The following NAP1L4 variants were observed in gnomAD, a reference collection of about 807,000 sequenced individuals.
NAP1L4 encodes nucleosome assembly protein 1 like 4, also known as nucleosome assembly protein 1-like 4.
In NAP1L4, 15 loss-of-function variants were observed where a neutral mutation model predicts 58.2. The observed-to-expected ratio is 0.26, with a 90% CI of 0.17 to 0.40. The LOEUF (loss-of-function observed/expected upper bound fraction) is 0.40. NAP1L4 is among the 10% of genes least tolerant of loss of function. NAP1L4 has a pLI of 1.00. For synonymous variants in NAP1L4, 171 were observed against 155.6 expected, an observed-to-expected ratio of 1.10 and a Z score of -0.74; for missense variants, 384 against 451.1, an observed-to-expected ratio of 0.85 and a Z score of 1.35.
At position 2,965,865 on chromosome 11, in the gene NAP1L4, G is replaced by T. The variant is rs556625061; in HGVS notation, c.535-1114C>A. Among the ~76,000 whole-genome samples, 4 of 152,338 alleles carry T rather than the reference G, an allele frequency of 2.6e-5. No individual in the cohort carries two copies. The East Asian group carries it at 7.7e-4, about 29-fold the overall frequency. Reference sequence around the variant, plus strand: ...ACTTCTTTAAGAACACTTACACAGAGCGTGTCTGAGATCCAACTTGCGGGC... The same window carrying T: ...ACTTCTTTAAGAACACTTACACAGATCGTGTCTGAGATCCAACTTGCGGGC... On this transcript the variant is annotated intron_variant, in intron 7 of 15. Transcript: ENST00000380542.
intron 15 of NAP1L4, among the ~76,000 whole-genome samples, chr11:2,945,905 T>C (rs1845916062): frequency 1.3e-5 from 2 of 152,302 alleles, no homozygotes; most frequent in African/African-American, 4.8e-5. Flanking sequence ...AGGAGGGTTT[T>C]GGGGCTCCTT....
chr11:2,971,595 T>C lies in NAP1L4; in HGVS notation c.316-61A>G. The C allele has an allele frequency of 1.6e-6, 2 of 1,285,154 alleles. No homozygotes were observed. The highest frequency in any genetic ancestry group is 3.9e-5 in the Admixed American group (2 of 51,774). The allele number at this position is 1,285,154 out of a possible 1,614,324, so 79.6% of individuals were successfully genotyped here. On this transcript the variant is annotated intron_variant, in intron 5 of 15. Coordinates refer to ENST00000380542, the MANE Select transcript of NAP1L4 (RefSeq NM_005969.4). This position sits in a 1 kb window ranked among gnomAD's most constrained non-coding sequence, Gnocchi z 4.2. ...TTAGCTTACTTAGGAACTCAAGAGTTAAATTTATAAATAATGTCTACTAAA... is the reference window on the plus strand; with the variant it reads ...TTAGCTTACTTAGGAACTCAAGAGTCAAATTTATAAATAATGTCTACTAAA...
intron 7 of NAP1L4, among the ~76,000 whole-genome samples, chr11:2,966,147 G>A (rs1202579858): frequency 3.9e-5 from 6 of 152,136 alleles, no homozygotes; most frequent in Non-Finnish European, 8.8e-5. Flanking sequence ...TCTTGAAGTT[G>A]CATTAAGTTT....
At chr11:2,977,236 C>T (rs993765426) in intron 3 of NAP1L4, among the ~76,000 whole-genome samples, 7 of 152,338 alleles carry the variant, frequency 4.6e-5, no homozygotes, top group Admixed American at 2.6e-4. Flanking sequence ...GATATCTACA[C>T]GTGCCTGACA....
At chr11:2,970,033 A>C in intron 6 of NAP1L4, 99 bp from the exon 7 acceptor site, 1 of 1,252,622 alleles carries the variant, frequency 8.0e-7, no homozygotes, top group Non-Finnish European at 1.1e-6. Context: ...ACTATCTCCC[A>C]TCAAACACCT....
intron 1 of NAP1L4, among the ~76,000 whole-genome samples, chr11:2,980,928 CA>C (rs1564989762): frequency 8.0e-6 from 1 of 124,296 alleles, no homozygotes; most frequent in East Asian, 2.0e-4. Context: ...AGATGAAAAC[CA>C]AAAAGAAAAA....
chr11:2,966,972 C>T (rs1025634286), intron 7 of NAP1L4, among the ~76,000 whole-genome samples: 9 of 152,228 alleles, frequency 5.9e-5, no homozygotes, highest in Admixed American at 5.9e-4. Flanking sequence ...GAAGCAAAGG[C>T]ACAACACTGG....
chr11:2,981,386 C>T (rs1274290976), intron 1 of NAP1L4, among the ~76,000 whole-genome samples: 4 of 132,786 alleles, frequency 3.0e-5, no homozygotes, highest in Non-Finnish European at 6.2e-5. Context: ...CCACTGAACT[C>T]CAGCCTGGAC....
Position 2,948,989 on chromosome 11 carries a change from C to T in NAP1L4, c.*32+238G>A, listed in dbSNP as rs1331652066. ...AGTACCATCAGCAATGAAAATTACA[C>T]CCAAGTTACATCTTTGCTACTTGGT... On this transcript the variant is annotated intron_variant, in intron 15 of 15. Coordinates refer to ENST00000380542, the MANE Select transcript of NAP1L4 (RefSeq NM_005969.4). This position sits in a 1 kb window ranked among gnomAD's most constrained non-coding sequence, Gnocchi z 5.1. Among the ~76,000 whole-genome samples the T allele has an allele frequency of 6.6e-6, 1 of 152,184 alleles. No homozygotes were observed. The highest frequency in any genetic ancestry group is 1.9e-4 in the East Asian group (1 of 5,190).
intron 7 of NAP1L4, among the ~76,000 whole-genome samples, chr11:2,965,859 C>A (rs11024771): frequency 0.1 from 15,711 of 152,270 alleles, 952 homozygotes; most frequent in African/African-American, 0.15. Flanking sequence ...AGAACACTTA[C>A]ACAGAGCGTG....
Position 2,971,384 on chromosome 11 carries a change from TA to T in NAP1L4, c.402+63del, listed in dbSNP as rs1564984280. 5 of 1,434,894 alleles carry T rather than the reference TA, an allele frequency of 3.5e-6. No individual in the cohort carries two copies. Among genetic ancestry groups the T allele is most frequent in the Non-Finnish European group, 4.8e-6 (5 of 1,033,350 alleles). 88.9% of individuals were successfully genotyped at this position (1,434,894 alleles called of 1,614,324 possible). ...AAGTTTACTAGTCATTAAAAATCAT[TA>T]AAAAATGCTTATTTTTAACAGTATT... On this transcript the variant is annotated intron_variant, in intron 6 of 15. Coordinates refer to ENST00000380542, the MANE Select transcript of NAP1L4 (RefSeq NM_005969.4). This position sits in a 1 kb window ranked among gnomAD's most constrained non-coding sequence, Gnocchi z 4.2.
At chr11:2,980,064 T>C (rs1238048221) in intron 1 of NAP1L4, among the ~76,000 whole-genome samples, 1 of 152,238 alleles carries the variant, frequency 6.6e-6, no homozygotes, top group Non-Finnish European at 1.5e-5. Context: ...TACTCAGTAT[T>C]ATTCCACTTT....
At chr11:2,977,453 G>A (rs539461879) in intron 3 of NAP1L4, among the ~76,000 whole-genome samples, 36 of 152,312 alleles carry the variant, frequency 2.4e-4, no homozygotes, top group Non-Finnish European at 4.3e-4. Context: ...GGCAAATCCA[G>A]ACTGTGAGCA....
intron 4 of NAP1L4, 27 bp downstream of exon 4, chr11:2,975,997 A>G: frequency 1.9e-6 from 3 of 1,569,060 alleles, no homozygotes; most frequent in South Asian, 1.2e-5. Flanking sequence ...TCCAAATTGC[A>G]TGAGACCCTA....
chr11:2,980,052 T>C (rs1050794809), intron 1 of NAP1L4, among the ~76,000 whole-genome samples: 5 of 152,242 alleles, frequency 3.3e-5, no homozygotes, highest in African/African-American at 9.6e-5. Context: ...CCTTGTGTAA[T>C]ATACTCAGTA....
chr11:2,987,624 G>T (rs1474558787), intron 1 of NAP1L4, among the ~76,000 whole-genome samples: 1 of 151,152 alleles, frequency 6.6e-6, no homozygotes, highest in Non-Finnish European at 1.5e-5. Flanking sequence ...AGGCGTGGTG[G>T]TGAGCACCTG....
intron 10 of NAP1L4, among the ~76,000 whole-genome samples, chr11:2,956,712 C>T (rs1846565973): frequency 6.6e-6 from 1 of 152,212 alleles, no homozygotes; most frequent in African/African-American, 2.4e-5. Context: ...GCAGCATGCT[C>T]CCCAGGGCAC....
rs868258906 is a variant in NAP1L4 at position 2,976,202 on chromosome 11, T to C, written c.74-79A>G. The C allele has an allele frequency of 4.4e-5, 45 of 1,015,986 alleles. No homozygotes were observed. In the Middle Eastern group the frequency reaches 1.9e-3, roughly 43 times the overall value. The allele number at this position is 1,015,986 out of a possible 1,614,324, so 62.9% of individuals were successfully genotyped here. A position where few individuals can be genotyped will look rare whatever the true frequency, so the allele number is the denominator to read the frequency against. ...CCAAGAGTCAAAAATTAGTAACATA[T>C]CTACTTAGCTTTGCCTAGATTTACA... On this transcript the variant is annotated intron_variant, in intron 3 of 15. Coordinates refer to ENST00000380542, the MANE Select transcript of NAP1L4 (RefSeq NM_005969.4).
intron 12 of NAP1L4, among the ~76,000 whole-genome samples, chr11:2,953,362 C>T (rs1370559481): frequency 4.6e-5 from 7 of 152,346 alleles, no homozygotes; most frequent in Middle Eastern, 3.4e-3. Context: ...TAGCCACTAG[C>T]CCTTAGCTCA....
Sources: allele counts gnomAD v4.1 joint callset (sites outside exome capture counted in the v4.1 genomes callset), GRCh38; gene constraint gnomAD v4.1.1; non-coding constraint Gnocchi (gnomAD v3.1); transcripts MANE v1.5; gene names NCBI Gene and HGNC (gene_info 2026-07-23, HGNC 2026-07-21).